The following ELAVL2 variants were observed in gnomAD, a reference collection of about 807,000 sequenced individuals.
The protein encoded by ELAVL2 is ELAV like RNA binding protein 2.
Under a neutral mutation model 34.6 loss-of-function variants are expected in ELAVL2, and 4 were observed. The ratio of observed to expected loss-of-function variants is 0.12; its 90% CI spans 0.06 to 0.26. The LOEUF (loss-of-function observed/expected upper bound fraction) is 0.26, where lower values mean the gene tolerates loss of function less well. Ranked by LOEUF, ELAVL2 falls within the 10% of genes least tolerant of loss-of-function variation. The pLI is 1.00. For missense variants in ELAVL2, 432 were observed against 442.8 expected, an observed-to-expected ratio of 0.98 and a Z score of 0.22; for synonymous variants, 193 against 154.8, an observed-to-expected ratio of 1.25 and a Z score of -1.83.
chr9:23,799,667 G>C (rs1431740325), intron 1 of ELAVL2, among the ~76,000 whole-genome samples: 1 of 152,116 alleles, frequency 6.6e-6, no homozygotes, highest in African/African-American at 2.4e-5. Flanking sequence ...AAGACATGCA[G>C]GTCACCAGTG....
chr9:23,810,590 T>C (rs2062842640), intron 1 of ELAVL2, among the ~76,000 whole-genome samples: 1 of 152,110 alleles, frequency 6.6e-6, no homozygotes, highest in Admixed American at 6.6e-5. Flanking sequence ...GCTTCTTGGA[T>C]CTGATTTCAG....
chr9:23,807,118 A>T (rs555206797), intron 1 of ELAVL2, among the ~76,000 whole-genome samples: 95 of 152,312 alleles, frequency 6.2e-4, no homozygotes, highest in Non-Finnish European at 1.0e-3. Context: ...CTTCCTAAAG[A>T]CCAGCTTATA....
In ELAVL2 at chr9:23,705,064, T is replaced by A; in HGVS notation, c.341A>T (p.Tyr114Phe). 1 of 1,614,054 alleles carries A rather than the reference T, an allele frequency of 6.2e-7. No homozygotes were observed. Among genetic ancestry groups the A allele is most frequent in the Non-Finnish European group, 8.5e-7 (1 of 1,179,984 alleles). ...RLQTKTIKVS[Y>F]ARPSSASIRD... ...GATAGAAGCTGAACTTGGGCGAGCA[T>A]AGGAAACCTGGAAAAGGAAAATAAA... Residue 114 changes from tyrosine to phenylalanine, a missense_variant, in exon 4 of 7, where the codon TAT (tyrosine) becomes TTT (phenylalanine). This residue lies in a region of ELAVL2 where 5 missense variants were observed against 18.4 expected (regional missense o/e 0.27). Transcript: ENST00000397312.
rs1357480802 is a variant in ELAVL2, at chr9:23,703,918, T to C, written c.487+1000A>G. On this transcript the variant is annotated intron_variant, in intron 4 of 6. Coordinates refer to ENST00000397312, the MANE Select transcript of ELAVL2 (RefSeq NM_004432.5). ...GTTTCCTAAAGAACAAGTATTGCTT[T>C]CATTTTATTTTTTACTTATTTTTTG... Among the ~76,000 whole-genome samples the C allele has an allele frequency of 3.2e-4, 49 of 152,154 alleles. 1 individual carries two copies. Among genetic ancestry groups the C allele is most frequent in the Admixed American group, 2.4e-3 (36 of 15,268 alleles).
chr9:23,783,620 T>C, intron 1 of ELAVL2: 1 of 540,056 alleles, frequency 1.9e-6, no homozygotes, highest in Non-Finnish European at 2.4e-6. Context: ...GACATCTGCA[T>C]TCATTCTAAC....
chr9:23,838,628 C>T, the ELAVL2 span, among the ~76,000 whole-genome samples: 1 of 152,042 alleles, frequency 6.6e-6, no homozygotes, highest in Non-Finnish European at 1.5e-5. Context: ...TAAAGTGTTT[C>T]CTTCCCTTAC....
intron 2 of ELAVL2, among the ~76,000 whole-genome samples, chr9:23,732,750 T>C (rs770689070): frequency 6.6e-6 from 1 of 152,164 alleles, no homozygotes; most frequent in Non-Finnish European, 1.5e-5. Context: ...CGCAGTTAGC[T>C]GTGCAACTTT....
intron 5 of ELAVL2, among the ~76,000 whole-genome samples, chr9:23,697,219 T>A (rs2035566285): frequency 6.6e-6 from 1 of 152,036 alleles, no homozygotes; most frequent in South Asian, 2.1e-4. Context: ...ACTACAAATG[T>A]AAATCAGAGT....
At chr9:23,828,137 T>C (rs984859276), upstream of ELAVL2, among the ~76,000 whole-genome samples, 8 of 152,108 alleles carry the variant, frequency 5.3e-5, no homozygotes, top group African/African-American at 1.4e-4. Flanking sequence ...TAACAGAAGA[T>C]TGGGTTTGTA....
chr9:23,731,288 TC>T (rs2046469433), intron 2 of ELAVL2, among the ~76,000 whole-genome samples, 163 bp from the exon 3 acceptor site: 1 of 152,022 alleles, frequency 6.6e-6, no homozygotes. Flanking sequence ...TCTTTATGTC[TC>T]CTGTCTACTA....
chr9:23,773,154 G>A (rs1024353772), intron 1 of ELAVL2, among the ~76,000 whole-genome samples: 2 of 152,182 alleles, frequency 1.3e-5, no homozygotes, highest in Admixed American at 6.5e-5. Context: ...TGCTAAGGGC[G>A]AGAAGTATCT....
At chr9:23,775,296 G>T (rs1480540201) in intron 1 of ELAVL2, among the ~76,000 whole-genome samples, 1 of 152,188 alleles carries the variant, frequency 6.6e-6, no homozygotes, top group African/African-American at 2.4e-5. Context: ...ACTCACGCTT[G>T]TAATTCCAAC....
Position 23,824,621 on chromosome 9 carries a change from GT to G in ELAVL2, c.-16+1184del, listed in dbSNP as rs761423219. Among the ~76,000 whole-genome samples, 15 of 152,250 alleles carry G rather than the reference GT, an allele frequency of 9.9e-5. No homozygotes were observed. In the South Asian group the frequency reaches 1.2e-3, roughly 13 times the overall value. ...CTTCTCTTAGGAAAGCCAGCAGCTT[GT>G]TCCACCACCACCACCCCTTCCGCCC... On this transcript the variant is annotated intron_variant, in intron 1 of 6. Transcript: ENST00000397312.
intron 1 of ELAVL2, among the ~76,000 whole-genome samples, chr9:23,778,754 G>C (rs548693741): frequency 6.8e-4 from 104 of 152,264 alleles, no homozygotes; most frequent in African/African-American, 2.5e-3. Context: ...CTAATCATCT[G>C]TGAAAATATT....
At chr9:23,797,747 G>A (rs2061120721) in intron 1 of ELAVL2, among the ~76,000 whole-genome samples, 1 of 152,048 alleles carries the variant, frequency 6.6e-6, no homozygotes, top group African/African-American at 2.4e-5. Flanking sequence ...GACCAACATG[G>A]AGAAAACCCC....
chr9:23,779,014 G>T (rs1199263301), intron 1 of ELAVL2, among the ~76,000 whole-genome samples: 1 of 152,156 alleles, frequency 6.6e-6, no homozygotes, highest in Admixed American at 6.5e-5. Context: ...AGAAAGAAGA[G>T]GAGGGGCCAA....
At chr9:23,777,253 G>C (rs760260907) in intron 1 of ELAVL2, among the ~76,000 whole-genome samples, 1 of 152,134 alleles carries the variant, frequency 6.6e-6, no homozygotes, top group South Asian at 2.1e-4. Context: ...TCTGAGATGG[G>C]TATGAACAAA....
chr9:23,730,369 CCAGT>C (rs1232368064), intron 3 of ELAVL2, among the ~76,000 whole-genome samples: 63 of 152,102 alleles, frequency 4.1e-4, no homozygotes, highest in African/African-American at 1.4e-3. Context: ...GTAAGTTCCT[CCAGT>C]CAGTCTCCTC....
chr9:23,742,617 C>A (rs2049508747), intron 2 of ELAVL2, among the ~76,000 whole-genome samples: 1 of 152,100 alleles, frequency 6.6e-6, no homozygotes, highest in Non-Finnish European at 1.5e-5. Flanking sequence ...ACAACCCTTC[C>A]ACCGGGGGGA....
Sources: gnomAD v4.1 joint callset for allele counts (sites outside exome capture counted in the v4.1 genomes callset) on GRCh38, gnomAD v4.1.1 for gene constraint, gnomAD v4.1.1 regional missense constraint, MANE v1.5 for transcripts, NCBI Gene and HGNC (gene_info 2026-07-23, HGNC 2026-07-21) for gene names.